Variants in DENND4C observed in about 807,000 individuals in gnomAD.
DENND4C encodes DENN domain-containing protein 4C.
Under a neutral mutation model 203.0 loss-of-function variants are expected in DENND4C, and 108 were observed. That is an observed-to-expected ratio of 0.53 (90% confidence interval 0.46 to 0.62). The LOEUF (loss-of-function observed/expected upper bound fraction) is 0.62. DENND4C is among the 20% of genes least tolerant of loss of function. The pLI is 0.00. For missense variants in DENND4C, 2,481 were observed against 2,301.2 expected (o/e 1.08, Z -1.60); for synonymous variants, 871 against 792.4 (o/e 1.10, Z -1.67).
In DENND4C at chr9:19,230,769, C is replaced by T. The variant is rs1159937792; in HGVS notation, c.-82C>T. On this transcript the variant is annotated 5_prime_UTR_variant, in exon 1 of 33. Coordinates refer to ENST00000434457, the MANE Select transcript of DENND4C (RefSeq NM_001330640.2). ...TGCCGAGCGCGCCCAGTCCGCGAAT[C>T]CGGTGCTTTCTTGCCCCAGGAAGAA... 2 of 152,358 alleles carry T rather than the reference C, an allele frequency of 1.3e-5. No homozygotes were observed. The highest frequency in any genetic ancestry group is 1.3e-4 in the Admixed American group (2 of 15,290). The allele number at this position is 152,358 out of a possible 1,614,324, so 9.4% of individuals were successfully genotyped here. A position where few individuals can be genotyped will look rare whatever the true frequency, so the allele number is the denominator to read the frequency against.
chr9:19,258,621 GA>G (rs1564093674), intron 1 of DENND4C, among the ~76,000 whole-genome samples: 1 of 151,800 alleles, frequency 6.6e-6, no homozygotes, highest in Non-Finnish European at 1.5e-5. Context: ...AAAAGTGCTT[GA>G]TAAATTCTAA....
At chr9:19,320,526 TTTAG>T (rs1456875888) in intron 12 of DENND4C, among the ~76,000 whole-genome samples, 4 of 152,184 alleles carry the variant, frequency 2.6e-5, no homozygotes, top group African/African-American at 9.7e-5. Flanking sequence ...GCATGTATTT[TTTAG>T]TTAGTGTGTC....
chr9:19,295,247 C>T (rs1032527872), intron 5 of DENND4C, among the ~76,000 whole-genome samples: 3 of 151,718 alleles, frequency 2.0e-5, no homozygotes, highest in East Asian at 1.9e-4. Context: ...TGGCGCACGC[C>T]GTAATCCCAG....
intron 1 of DENND4C, among the ~76,000 whole-genome samples, chr9:19,275,060 C>G (rs535694280): frequency 5.3e-5 from 8 of 151,234 alleles, no homozygotes; most frequent in African/African-American, 1.5e-4. Flanking sequence ...CACTGCAAAC[C>G]TCTGCCCCCC....
chr9:19,232,124 A>G (rs1361947764), intron 1 of DENND4C, among the ~76,000 whole-genome samples: 3 of 152,130 alleles, frequency 2.0e-5, no homozygotes, highest in African/African-American at 7.2e-5. Context: ...AAAAGAAACT[A>G]TATTTTCTGT....
At chr9:19,299,833 G>A (rs529344748) in intron 8 of DENND4C, among the ~76,000 whole-genome samples, 73 of 152,180 alleles carry the variant, frequency 4.8e-4, no homozygotes, top group African/African-American at 1.7e-3. Context: ...CTATGCTTTA[G>A]TCACAATAGA....
intron 10 of DENND4C, among the ~76,000 whole-genome samples, chr9:19,311,199 C>T (rs762387315): frequency 7.2e-5 from 11 of 152,122 alleles, no homozygotes; most frequent in Non-Finnish European, 1.3e-4. Context: ...TCTTGGCTCA[C>T]TGCAACCTCC....
intron 30 of DENND4C, among the ~76,000 whole-genome samples, chr9:19,369,431 T>C (rs1440248263): frequency 1.3e-5 from 2 of 152,122 alleles, no homozygotes; most frequent in Non-Finnish European, 2.9e-5. Flanking sequence ...GGAAGTGCTA[T>C]TGGTTAAGCA....
At chr9:19,369,782 AT>A (rs1430328200) in intron 30 of DENND4C, 54 bp from the exon 31 acceptor site, 177 of 1,063,732 alleles carry the variant, frequency 1.7e-4, no homozygotes, top group African/African-American at 1.5e-3. Flanking sequence ...AAAAAAAATA[AT>A]AATAATAATA....
At chr9:19,303,420 T>G (rs761583432) in intron 9 of DENND4C, among the ~76,000 whole-genome samples, 1 of 152,222 alleles carries the variant, frequency 6.6e-6, no homozygotes, top group Non-Finnish European at 1.5e-5. Flanking sequence ...GGCCATTTAT[T>G]CATATATTGC....
At chr9:19,243,705 C>T (rs568760945) in intron 1 of DENND4C, among the ~76,000 whole-genome samples, 42 of 152,304 alleles carry the variant, frequency 2.8e-4, no homozygotes, top group African/African-American at 8.9e-4. Flanking sequence ...AATAATACTA[C>T]GTTCTATAGA....
At chr9:19,255,771 G>A (rs1026124012) in intron 1 of DENND4C, among the ~76,000 whole-genome samples, 1 of 152,196 alleles carries the variant, frequency 6.6e-6, no homozygotes, top group Admixed American at 6.5e-5. Context: ...CATAATTTTA[G>A]TCAGAGATTT....
intron 9 of DENND4C, among the ~76,000 whole-genome samples, chr9:19,303,424 A>T (rs1839004580): frequency 2.0e-5 from 3 of 152,178 alleles, no homozygotes; most frequent in Admixed American, 2.0e-4. Flanking sequence ...ATTTATTCAT[A>T]TATTGCCTAT....
At chr9:19,342,123 TCA>T (rs1821794878) in intron 21 of DENND4C, among the ~76,000 whole-genome samples, 1 of 67,936 alleles carries the variant, frequency 1.5e-5, no homozygotes, top group African/African-American at 8.7e-5. Flanking sequence ...AGACTCCATC[TCA>T]AAAAAAAAAA....
At chr9:19,280,917 G>A (rs1833924310) in intron 2 of DENND4C, among the ~76,000 whole-genome samples, 1 of 151,874 alleles carries the variant, frequency 6.6e-6, no homozygotes, top group Non-Finnish European at 1.5e-5. Context: ...AGTTTTTGTA[G>A]TTTTTGTAGA....
chr9:19,244,986 T>A (rs1241521038), intron 1 of DENND4C, among the ~76,000 whole-genome samples: 3 of 152,172 alleles, frequency 2.0e-5, no homozygotes, highest in African/African-American at 7.2e-5. Context: ...AAAAACTTTA[T>A]TAGAAGTTCT....
chr9:19,342,753 A>G lies in DENND4C; in HGVS notation c.3125A>G (p.Asp1042Gly). ...SIVKVPSGIF[D>G]VNSRKSSTGS... ...GTGAAAGTTCCGTCTGGTATATTTG[A>G]TGTCAACAGCAGGAAAAGTAGCACT... Residue 1042 changes from aspartate (D) to glycine (G), a missense_variant, in exon 22 of 33, where the codon GAT becomes GGT. Physicochemically the swap from Asp to Gly is moderately conservative, Grantham distance 94. Coordinates refer to ENST00000434457, the MANE Select transcript of DENND4C (RefSeq NM_001330640.2). 6.2e-7 allele frequency: 1 copy of G among 1,608,102 alleles called. No homozygotes were observed.
intron 5 of DENND4C, 102 bp from the exon 6 acceptor site, chr9:19,295,906 A>T: frequency 1.2e-6 from 1 of 869,004 alleles, no homozygotes; most frequent in Non-Finnish European, 1.8e-6. Flanking sequence ...TTATCTGTAT[A>T]AGTGTACTCC....
chr9:19,367,794 A>G (rs1827999776), intron 30 of DENND4C, among the ~76,000 whole-genome samples: 3 of 152,226 alleles, frequency 2.0e-5, no homozygotes, highest in Admixed American at 2.0e-4. Context: ...ATATCCATAC[A>G]ATGGAATTTC....
Sources: gnomAD v4.1 joint callset for allele counts (sites outside exome capture counted in the v4.1 genomes callset) on GRCh38, gnomAD v4.1.1 for gene constraint, MANE v1.5 for transcripts, NCBI Gene and HGNC (gene_info 2026-07-23, HGNC 2026-07-21) for gene names.